AFF2: variants seen among roughly 807,000 people sequenced by gnomAD.
AFF2 encodes AF4/FMR2 family member 2.
Under a neutral mutation model 76.9 loss-of-function variants are expected in AFF2, and 14 were observed. That is an observed-to-expected ratio of 0.18 (90% CI 0.12 to 0.28). The LOEUF is 0.28. Among genes scored for constraint, AFF2 ranks in the 10% least tolerant of loss-of-function variants. The pLI, the probability that AFF2 is intolerant of heterozygous loss-of-function variation, is 1.00. For missense variants in AFF2, 868 were observed against 1,001.1 expected (o/e 0.87, Z 1.79); for synonymous variants, 398 against 366.7 (o/e 1.09, Z -0.98).
At chrX:148,666,244 GGTCAGCTTTTCAA>G (rs1308860657) in intron 3 of AFF2, among the ~76,000 whole-genome samples, 1 of 111,909 alleles carries the variant, frequency 8.9e-6, no homozygotes, top group Non-Finnish European at 1.9e-5. Context: ...TATTGCAAAA[GGTCAGCTTTTCAA>G]TTGAGGCATG....
In AFF2 at chrX:148,634,589, G is replaced by C. The variant is rs2054011274; in HGVS notation, c.48-17410G>C. Among the ~76,000 whole-genome samples, 3 of 111,912 alleles carry C rather than the reference G, an allele frequency of 2.7e-5. No homozygotes were observed. In the South Asian group the frequency reaches 1.1e-3, roughly 42 times the overall value. Reference sequence around the variant, plus strand: ...ATACCTTACATCTCTATGTAAGTGGGACCTGTTCCCTCTTCTCTCCCTCTC... The same window carrying C: ...ATACCTTACATCTCTATGTAAGTGGCACCTGTTCCCTCTTCTCTCCCTCTC... On this transcript the variant is annotated intron_variant, in intron 1 of 20. Coordinates refer to ENST00000370460, the MANE Select transcript of AFF2 (RefSeq NM_002025.4).
intron 3 of AFF2, among the ~76,000 whole-genome samples, chrX:148,667,183 A>G (rs1603272203): frequency 8.9e-6 from 1 of 112,454 alleles, no homozygotes; most frequent in Admixed American, 9.4e-5. Context: ...AGCTTATTTT[A>G]GTGGTTAGCT....
intron 5 of AFF2, among the ~76,000 whole-genome samples, chrX:148,840,914 T>TA (rs1318229791): frequency 7.1e-5 from 8 of 112,103 alleles, no homozygotes; most frequent in African/African-American, 9.7e-5. Context: ...ACCAAAAAAT[T>TA]AAAAATTAAA....
At chrX:148,562,666 T>C (rs2053126993) in intron 1 of AFF2, among the ~76,000 whole-genome samples, 1 of 112,062 alleles carries the variant, frequency 8.9e-6, no homozygotes, top group Non-Finnish European at 1.9e-5. Flanking sequence ...TGAAGACAAC[T>C]GAGTTCAGGC....
intron 3 of AFF2, among the ~76,000 whole-genome samples, chrX:148,756,740 T>C (rs1167513560): frequency 8.9e-6 from 1 of 112,845 alleles, no homozygotes; most frequent in African/African-American, 3.2e-5. Flanking sequence ...TAGATATACA[T>C]GGTGCTGACT....
chrX:148,678,097 A>G (rs1557259628), intron 3 of AFF2, among the ~76,000 whole-genome samples: 1 of 112,311 alleles, frequency 8.9e-6, no homozygotes, highest in East Asian at 2.8e-4. Context: ...AGTCAGTCTC[A>G]GTTCTCAACT....
intron 3 of AFF2, among the ~76,000 whole-genome samples, chrX:148,702,392 A>G (rs1056130901): frequency 2.1e-4 from 23 of 111,971 alleles, no homozygotes; most frequent in African/African-American, 7.5e-4. Context: ...TTAAAGAGAC[A>G]TTGGTGAGGA....
At chrX:148,777,704 A>G (rs782399978) in intron 3 of AFF2, among the ~76,000 whole-genome samples, 11 of 112,346 alleles carry the variant, frequency 9.8e-5, no homozygotes, top group Non-Finnish European at 1.3e-4. Flanking sequence ...TCGATTTTGT[A>G]TCCTGAGACT....
intron 1 of AFF2, among the ~76,000 whole-genome samples, chrX:148,650,218 C>T (rs2054189922): frequency 9.0e-6 from 1 of 111,132 alleles, no homozygotes; most frequent in African/African-American, 3.3e-5. Flanking sequence ...TGTTACTGTG[C>T]CTGATTGTTT....
At chrX:148,946,072 T>C (rs1321827131) in intron 9 of AFF2, among the ~76,000 whole-genome samples, 1 of 112,157 alleles carries the variant, frequency 8.9e-6, no homozygotes, top group African/African-American at 3.2e-5. Context: ...AAATCACTCA[T>C]AATTATCATC....
chrX:148,837,143 G>T, intron 4 of AFF2, among the ~76,000 whole-genome samples: 1 of 111,684 alleles, frequency 9.0e-6, no homozygotes, highest in Non-Finnish European at 1.9e-5. Flanking sequence ...AGGCAATCTG[G>T]AGTTCCTCCT....
At chrX:148,585,126 C>T (rs970088005) in intron 1 of AFF2, among the ~76,000 whole-genome samples, 1 of 111,408 alleles carries the variant, frequency 9.0e-6, no homozygotes, top group Non-Finnish European at 1.9e-5. Context: ...CTGGATTGAT[C>T]GGGGAATGTC....
chrX:148,680,558 C>T (rs782739943), intron 3 of AFF2, among the ~76,000 whole-genome samples: 6 of 111,516 alleles, frequency 5.4e-5, no homozygotes, highest in Non-Finnish European at 9.4e-5. Context: ...AAATCAACTT[C>T]GTTTGACCTT....
intron 13 of AFF2, among the ~76,000 whole-genome samples, chrX:148,964,079 G>A (rs1210378613): frequency 8.9e-6 from 1 of 111,980 alleles, no homozygotes; most frequent in African/African-American, 3.2e-5. Flanking sequence ...TATCTTTAAA[G>A]TGACCCTGTT....
intron 3 of AFF2, among the ~76,000 whole-genome samples, chrX:148,743,697 T>C (rs2055388154): frequency 9.0e-6 from 1 of 111,356 alleles, no homozygotes; most frequent in African/African-American, 3.3e-5. Context: ...ACAAAGAACA[T>C]TGAGGAACTA....
At chrX:148,780,194 T>G (rs2069724005) in intron 3 of AFF2, among the ~76,000 whole-genome samples, 1 of 112,068 alleles carries the variant, frequency 8.9e-6, no homozygotes, top group South Asian at 3.7e-4. Context: ...TTCCTTCATT[T>G]CAACCTTGGT....
intron 1 of AFF2, among the ~76,000 whole-genome samples, chrX:148,642,245 G>A (rs1279857820): frequency 1.8e-5 from 2 of 112,424 alleles, no homozygotes; most frequent in Non-Finnish European, 3.8e-5. Flanking sequence ...GCAAAAATTA[G>A]TGAGTGCAAG....
chrX:148,647,884 T>C (rs1469914106), intron 1 of AFF2, among the ~76,000 whole-genome samples: 1 of 111,685 alleles, frequency 9.0e-6, no homozygotes, highest in African/African-American at 3.3e-5. Context: ...CTAGCCTGCA[T>C]TGTCAGCCTG....
intron 7 of AFF2, among the ~76,000 whole-genome samples, chrX:148,855,686 T>A (rs927597314): frequency 8.9e-6 from 1 of 112,031 alleles, no homozygotes; most frequent in Non-Finnish European, 1.9e-5. Context: ...GCAAATACAA[T>A]GCAGAACTTG....
Sources: gnomAD v4.1 joint callset for allele counts (sites outside exome capture counted in the v4.1 genomes callset) on GRCh38, gnomAD v4.1.1 for gene constraint, MANE v1.5 for transcripts, NCBI Gene and HGNC (gene_info 2026-07-23, HGNC 2026-07-21) for gene names.